Variants in GH2 observed in about 807,000 individuals in gnomAD.
The protein encoded by GH2 is growth hormone variant.
Under a neutral mutation model 24.1 loss-of-function variants are expected in GH2, and 17 were observed. The ratio of observed to expected loss-of-function variants is 0.71; its 90% CI spans 0.48 to 1.06. The LOEUF (loss-of-function observed/expected upper bound fraction) is 1.06, where lower values mean the gene tolerates loss of function less well. Ranked by LOEUF, GH2 falls within the 50% of genes least tolerant of loss-of-function variation. GH2 has a pLI of 0.00. For synonymous variants in GH2, 126 were observed against 118.7 expected, an observed-to-expected ratio of 1.06 and a Z score of -0.40; for missense variants, 305 against 273.1, an observed-to-expected ratio of 1.12 and a Z score of -0.82.
In GH2 at chr17:63,881,378, T is replaced by A. The variant is rs759164392; in HGVS notation, c.152A>T (p.Tyr51Phe). 3 of 1,614,054 alleles carry A rather than the reference T, an allele frequency of 1.9e-6. No homozygotes were observed. The highest frequency in any genetic ancestry group is 2.5e-6 in the Non-Finnish European group (3 of 1,179,950). Residue 51 changes from tyrosine to phenylalanine, a missense_variant, in exon 2 of 5, where the codon TAT becomes TTT. Tyr to Phe is a conservative substitution (Grantham distance 22). Transcript: ENST00000423893. ...LRARRLYQLA[Y>F]DTYQEFEEAY... Reference sequence around the variant, plus strand: ...GCTTACAAACTCCTGATAGGTGTCATATGCCAGCTGGTACAGGCGACGGGC... The same window carrying A: ...GCTTACAAACTCCTGATAGGTGTCAAATGCCAGCTGGTACAGGCGACGGGC...
chr17:63,881,097 G>A lies in GH2; in HGVS notation c.223C>T (p.Gln75Ter), dbSNP rs1288013640. Residue 75 changes from glutamine to a stop codon, truncating the protein, a stop_gained, in exon 3 of 5, where the codon CAG becomes TAG. Transcript: ENST00000423893. LOFTEE classifies it high-confidence loss of function. ...EQKYSFLQNPQTSLCFSESIP... is the reference protein window; with the variant it reads ...EQKYSFLQNP ...GACTCTGAGAAGCAGAGGGAGGTCT[G>A]GGGGTTCTGCAGGAATGAATACTTC... 2 of 1,614,090 alleles carry A rather than the reference G, an allele frequency of 1.2e-6. No homozygotes were observed. The highest frequency in any genetic ancestry group is 1.7e-6 in the Non-Finnish European group (2 of 1,179,950).
At position 63,881,869 on chromosome 17, in the gene GH2, T is replaced by C. The variant is rs368648213; in HGVS notation, c.-68A>G. On this transcript the variant is annotated 5_prime_UTR_variant, in exon 1 of 5. Coordinates refer to ENST00000423893, the MANE Select transcript of GH2 (RefSeq NM_002059.5). ...GAGTTGGGCCTTGGGATCCTTGAGCTGGTCTCTTGTGGGCCCTTTTTATAC... is the reference window on the plus strand; with the variant it reads ...GAGTTGGGCCTTGGGATCCTTGAGCCGGTCTCTTGTGGGCCCTTTTTATAC... The C allele has an allele frequency of 2.7e-5, 43 of 1,613,186 alleles. No homozygotes were observed. The highest frequency in any genetic ancestry group is 8.0e-5 in the African/African-American group (6 of 75,010).
rs773418823 is a variant in GH2, at chr17:63,881,785, C to T, written c.10+7G>A. The T allele has an allele frequency of 3.1e-6, 5 of 1,613,080 alleles. No homozygotes were observed. The highest frequency in any genetic ancestry group is 3.4e-6 in the Non-Finnish European group (4 of 1,179,758). ...ATTGTGCCCAAAGGGATTTTAGGGGCGCTTACCTGCAGCCATTGCCGCTAG... is the reference window on the plus strand; with the variant it reads ...ATTGTGCCCAAAGGGATTTTAGGGGTGCTTACCTGCAGCCATTGCCGCTAG... On this transcript the variant is annotated splice_region_variant and intron_variant, in intron 1 of 4. Coordinates refer to ENST00000423893, the MANE Select transcript of GH2 (RefSeq NM_002059.5).
intron 2 of GH2, 67 bp from the exon 3 acceptor site, chr17:63,881,215 C>A (rs1425714069): frequency 9.3e-6 from 15 of 1,613,338 alleles, no homozygotes; most frequent in Admixed American, 1.7e-5. Context: ...TTTCTGGGAA[C>A]CTCACTCAGC....
At position 63,880,798 on chromosome 17, in the gene GH2, C is replaced by G; in HGVS notation, c.430G>C (p.Glu144Gln). 1 of 1,614,114 alleles carries G rather than the reference C, an allele frequency of 6.2e-7. No individual in the cohort carries two copies. The highest frequency in any genetic ancestry group is 1.1e-5 in the South Asian group (1 of 91,074). Residue 144 changes from glutamate to glutamine, a missense_variant, in exon 4 of 5, where the codon GAG becomes CAG. Physicochemically the swap from Glu to Gln is conservative, Grantham distance 29. Coordinates refer to ENST00000423893, the MANE Select transcript of GH2 (RefSeq NM_002059.5). Reference protein sequence around the residue: ...SNVYRHLKDLEEGIQTLMWRL... With the variant: ...SNVYRHLKDLQEGIQTLMWRL... ...CACATCAGCGTTTGGATGCCTTCCT[C>G]TAGGTCCTTCAGGTGGCGATAGACG...
intron 4 of GH2, 57 bp downstream of exon 4, chr17:63,880,715 C>T (rs929261744): frequency 1.3e-5 from 21 of 1,614,076 alleles, no homozygotes; most frequent in Non-Finnish European, 1.7e-5. Flanking sequence ...GTTTCTCTCC[C>T]CAGTCCCTGG....
At position 63,881,812 on chromosome 17, in the gene GH2, T is replaced by C; in HGVS notation, c.-11A>G. The C allele has an allele frequency of 6.2e-7, 1 of 1,613,028 alleles. No homozygotes were observed. The highest frequency in any genetic ancestry group is 8.5e-7 in the Non-Finnish European group (1 of 1,179,348). ...CTTACCTGCAGCCATTGCCGCTAGG[T>C]GAGCTGTCCACAGGACCCTGAGTGG... On this transcript the variant is annotated 5_prime_UTR_variant, in exon 1 of 5. Coordinates refer to ENST00000423893, the MANE Select transcript of GH2 (RefSeq NM_002059.5).
At chr17:63,880,614 A>G (rs2144676717) in intron 4 of GH2, 96 bp from the exon 5 acceptor site, 1 of 1,613,892 alleles carries the variant, frequency 6.2e-7, no homozygotes. Flanking sequence ...TCCAGGTTGT[A>G]GAGAAAGGCC....
At chr17:63,881,685 A>T in intron 1 of GH2, 107 bp downstream of exon 1, 1 of 1,610,328 alleles carries the variant, frequency 6.2e-7, no homozygotes, top group Non-Finnish European at 8.5e-7. Flanking sequence ...GGCGATACTA[A>T]CATTCATAAG....
chr17:63,880,577 CTCAT>C (rs1905438826), intron 4 of GH2, 59 bp from the exon 5 acceptor site: 1 of 1,613,788 alleles, frequency 6.2e-7, no homozygotes, highest in Non-Finnish European at 8.5e-7. Context: ...CCCTCCCTCT[CTCAT>C]TCATCCATTT....
rs767342218 is a variant in GH2 at position 63,880,864 on chromosome 17, C to T, written c.364G>A (p.Val122Ile). ...CCATACACCAGGCTGTTGGCGAAGA[C>T]GCTCCTGAGGAGCTGCACGGGCTCC... ...WLEPVQLLRS[V>I]FANSLVYGAS... The change falls in exon 4 of 5, where the codon GTC becomes ATC. Residue 122 changes from valine (V) to isoleucine (I), a missense_variant. Coordinates refer to ENST00000423893, the MANE Select transcript of GH2 (RefSeq NM_002059.5). 1.2e-5 allele frequency: 19 copies of T among 1,613,948 alleles called. No individual in the cohort carries two copies. Among genetic ancestry groups the T allele is most frequent in the Admixed American group, 1.7e-5 (1 of 59,990 alleles).
intron 1 of GH2, 119 bp downstream of exon 1, chr17:63,881,673 A>G (rs1415412109): frequency 1.2e-6 from 2 of 1,608,748 alleles, no homozygotes; most frequent in South Asian, 1.1e-5. Context: ...CTGGGCTTAG[A>G]TGGCGATACT....
chr17:63,881,135 A>G lies in GH2; in HGVS notation c.185T>C (p.Ile62Thr), dbSNP rs748671650. The G allele has an allele frequency of 3.1e-6, 5 of 1,613,956 alleles. No homozygotes were observed. Among genetic ancestry groups the G allele is most frequent in the Non-Finnish European group, 4.2e-6 (5 of 1,179,956 alleles). Reference protein sequence around the residue: ...DTYQEFEEAYILKEQKYSFLQ... With the variant: ...DTYQEFEEAYTLKEQKYSFLQ... ...GAATGAATACTTCTGCTCCTTCAGG[A>G]TATAGGCTTCTTCCTAGGAGAAGGA... Residue 62 changes from isoleucine (I) to threonine (T), a missense_variant, in exon 3 of 5, where the codon ATC becomes ACC. Transcript: ENST00000423893.
chr17:63,881,604 T>TC (rs59599680), intron 1 of GH2, 85 bp from the exon 2 acceptor site: 368,961 of 1,523,454 alleles, frequency 0.24, 20,524 homozygotes, highest in African/African-American at 0.59. Flanking sequence ...GTTTTTTTTT[T>TC]TCTCTCTCTC....
chr17:63,881,732 C>A (rs1187911255), intron 1 of GH2, 60 bp downstream of exon 1: 1 of 1,611,964 alleles, frequency 6.2e-7, no homozygotes, highest in Non-Finnish European at 8.5e-7. Context: ...GTCCCATCTA[C>A]AGGACGCCGC....
At position 63,880,522 on chromosome 17, in the gene GH2, C is replaced by A. The variant is rs200117983; in HGVS notation, c.457-4G>T. ...GGGGGCTGCCATCTTCCAGCCTCTG[C>A]AAAGTGAAGGAAGAGAAGGAGAGGC... On this transcript the variant is annotated splice_region_variant and splice_polypyrimidine_tract_variant and intron_variant, in intron 4 of 4. Coordinates refer to ENST00000423893, the MANE Select transcript of GH2 (RefSeq NM_002059.5). 1.5e-5 allele frequency: 24 copies of A among 1,613,704 alleles called. No individual in the cohort carries two copies. The highest frequency in any genetic ancestry group is 2.7e-5 in the African/African-American group (2 of 74,880).
At chr17:63,880,637 G>A (rs753488027) in intron 4 of GH2, 119 bp from the exon 5 acceptor site, 3 of 1,613,994 alleles carry the variant, frequency 1.9e-6, no homozygotes, top group South Asian at 1.1e-5. Flanking sequence ...GAGGATTCAC[G>A]AGGGGAAATG....
At chr17:63,880,557 G>C (rs1006034625) in intron 4 of GH2, 39 bp from the exon 5 acceptor site, 13 of 1,613,828 alleles carry the variant, frequency 8.1e-6, no homozygotes, top group Non-Finnish European at 1.0e-5. Flanking sequence ...CCAAGCGCTT[G>C]GGCACTGTTC....
At position 63,881,434 on chromosome 17, in the gene GH2, T is replaced by C; in HGVS notation, c.96A>G (p.Leu32=). 1.9e-6 allele frequency: 3 copies of C among 1,613,848 alleles called. No individual in the cohort carries two copies. The highest frequency in any genetic ancestry group is 2.5e-6 in the Non-Finnish European group (3 of 1,179,902). ...GCATAGCGTTGTCAAAAAGCCTGGA[T>C]AAGGGAATGGTTGGGAAGGCACTGC... The part of the protein sequence containing the change: ...QEGSAFPTIP[L]SRLFDNAMLR... The change falls in exon 2 of 5, where the codon TTA becomes TTG. Residue 32 remains leucine (L), a synonymous_variant. Coordinates refer to ENST00000423893, the MANE Select transcript of GH2 (RefSeq NM_002059.5).
Sources: allele counts gnomAD v4.1 joint callset, GRCh38; gene constraint gnomAD v4.1.1; transcripts MANE v1.5; gene names NCBI Gene and HGNC (gene_info 2026-07-23, HGNC 2026-07-21).